The following RRP36 variants were observed in gnomAD, a reference collection of about 807,000 sequenced individuals.
The protein encoded by RRP36 is ribosomal RNA processing 36.
Under a neutral mutation model 39.8 loss-of-function variants are expected in RRP36, and 44 were observed. The ratio of observed to expected loss-of-function variants is 1.10; its 90% confidence interval spans 0.87 to 1.42. The LOEUF is 1.42. Ranked by LOEUF, RRP36 falls within the 40% of genes most tolerant of loss-of-function variation. The pLI is 0.00. For missense variants in RRP36, 316 were observed against 322.4 expected (o/e 0.98, Z 0.15); for synonymous variants, 124 against 123.1 (o/e 1.01, Z -0.05).
intron 6 of RRP36, among the ~76,000 whole-genome samples, chr6:43,027,722 C>CCA (rs1762840827): frequency 7.6e-6 from 1 of 131,748 alleles, no homozygotes; most frequent in African/African-American, 2.9e-5. Flanking sequence ...ACCCCCCCCC[C>CCA]CCAACACACA....
rs1248483023 is a variant in RRP36 at position 43,027,408 on chromosome 6, C to T, written c.574C>T (p.His192Tyr). The T allele has an allele frequency of 1.2e-6, 2 of 1,614,218 alleles. No individual in the cohort carries two copies. The highest frequency in any genetic ancestry group is 1.7e-6 in the Non-Finnish European group (2 of 1,180,046). Reference sequence around the variant, plus strand: ...GGAACGAAAGCAACAGCAGGAGCTGCACCTGGCCCTGAAGCAAGAACGTCG... The same window carrying T: ...GGAACGAAAGCAACAGCAGGAGCTGTACCTGGCCCTGAAGCAAGAACGTCG... ...QQERKQQQEL[H>Y]LALKQERRAQ... is the part of the protein sequence containing the mutation. The change falls in exon 6 of 7, where the codon CAC becomes TAC. Residue 192 changes from histidine to tyrosine, a missense_variant. By Grantham distance (83) the His-to-Tyr change is moderately conservative (BLOSUM62 2). Coordinates refer to ENST00000244496, the MANE Select transcript of RRP36 (RefSeq NM_033112.4).
In RRP36 at chr6:43,029,110, C is replaced by G; in HGVS notation, c.662C>G (p.Ala221Gly). Residue 221 changes from alanine to glycine, a missense_variant, in exon 7 of 7, where the codon GCA becomes GGA. Physicochemically the swap from Ala to Gly is moderately conservative, Grantham distance 60 (BLOSUM62 0). Coordinates refer to ENST00000244496, the MANE Select transcript of RRP36 (RefSeq NM_033112.4). ...FLKKSEQRQL[A>G]LAEKFKELKR... ...CATTTAGCTGAGCAGCGCCAGTTGGCACTAGCTGAGAAGTTCAAGGAGCTG... is the reference window on the plus strand; with the variant it reads ...CATTTAGCTGAGCAGCGCCAGTTGGGACTAGCTGAGAAGTTCAAGGAGCTG... 1 of 1,614,222 alleles carries G rather than the reference C, an allele frequency of 6.2e-7. No individual in the cohort carries two copies.
Position 43,027,204 on chromosome 6 carries a change from C to T in RRP36, c.477C>T (p.His159=), listed in dbSNP as rs1209651052. The change falls in exon 5 of 7, where the codon CAC becomes CAT. Residue 159 remains histidine, a synonymous_variant. Coordinates refer to ENST00000244496, the MANE Select transcript of RRP36 (RefSeq NM_033112.4). ...KELVKKQLKK[H]LSGEEHEKLQ... ...TTGTGAAAAAACAGTTGAAGAAGCA[C>T]CTTTCAGGAGAGGAGCATGAGAAAC... 2.5e-6 allele frequency: 4 copies of T among 1,614,174 alleles called. No individual in the cohort carries two copies. The highest frequency in any genetic ancestry group is 2.2e-5 in the East Asian group (1 of 44,888).
intron 2 of RRP36, 41 bp downstream of exon 2, chr6:43,025,173 C>T: frequency 6.2e-7 from 1 of 1,613,194 alleles, no homozygotes; most frequent in South Asian, 1.1e-5. Context: ...ATAACTGGGA[C>T]CTTGAATAGG....
At position 43,025,586 on chromosome 6, in the gene RRP36, G is replaced by A. The variant is rs987412189; in HGVS notation, c.345+257G>A. Among the ~76,000 whole-genome samples, 5 of 133,580 alleles carry A rather than the reference G, an allele frequency of 3.7e-5. 1 individual carries two copies. The highest frequency in any genetic ancestry group is 0.01 in the Middle Eastern group (2 of 196). 87.6% of individuals were successfully genotyped at this position (133,580 alleles called of 152,430 possible). ...TGCAGTGAGCCAGGATCATGCCACT[G>A]CCCTACAGCCTGTGGGACAGAGTAA... On this transcript the variant is annotated intron_variant, in intron 3 of 6. Transcript: ENST00000244496.
At position 43,026,063 on chromosome 6, in the gene RRP36, T is replaced by C. The variant is rs747331295; in HGVS notation, c.372T>C (p.Asp124=). Residue 124 remains aspartate (D), a synonymous_variant, in exon 4 of 7, where the codon GAT becomes GAC. Transcript: ENST00000244496. ...TAGCCCGGGACCCTCGCTTTGATGA[T>C]CTGTCAGGGGAATATAATCCTGAGG... ...KKVARDPRFD[D]LSGEYNPEVF... 3.1e-6 allele frequency: 5 copies of C among 1,613,556 alleles called. No homozygotes were observed. The Admixed American group carries it at 5.0e-5, about 16-fold the overall frequency.
chr6:43,028,665 C>T (rs1275276516), intron 6 of RRP36, among the ~76,000 whole-genome samples: 1 of 147,628 alleles, frequency 6.8e-6, no homozygotes, highest in African/African-American at 2.5e-5. Context: ...AAAAGTCACC[C>T]GTTGGCCAGG....
rs548845074 is a variant in RRP36 at position 43,027,593 on chromosome 6, T to C, written c.643+116T>C. 2.3e-4 allele frequency: 185 copies of C among 821,596 alleles called. No homozygotes were observed. The African/African-American group carries it at 2.6e-3, about 12-fold the overall frequency. The allele number at this position is 821,596 out of a possible 1,614,324, so 50.9% of individuals were successfully genotyped here. ...AGGAAGGCATGAAGGCTGGATCCCA[T>C]GGTAACTTGGAGGAAAGTAGAAATA... On this transcript the variant is annotated intron_variant, in intron 6 of 6. Coordinates refer to ENST00000244496, the MANE Select transcript of RRP36 (RefSeq NM_033112.4).
chr6:43,027,583 C>A, intron 6 of RRP36, 106 bp downstream of exon 6: 1 of 892,646 alleles, frequency 1.1e-6, no homozygotes, highest in Non-Finnish European at 1.8e-6. Flanking sequence ...GGCATGAAGG[C>A]TGGATCCCAT....
At chr6:43,023,802 A>AT (rs913068374) in intron 1 of RRP36, among the ~76,000 whole-genome samples, 41 of 151,990 alleles carry the variant, frequency 2.7e-4, no homozygotes, top group Non-Finnish European at 1.6e-4. Flanking sequence ...TTATAGCTCA[A>AT]TTTTTTTTAA....
chr6:43,027,532 T>TA, intron 6 of RRP36, 55 bp downstream of exon 6: 1 of 1,435,904 alleles, frequency 7.0e-7, no homozygotes, highest in Non-Finnish European at 9.7e-7. Context: ...GCCATGGTGG[T>TA]AGAGTCTTGT....
chr6:43,021,804 C>T lies in RRP36; in HGVS notation c.130+20C>T. 4.2e-6 allele frequency: 1 copy of T among 236,558 alleles called. No homozygotes were observed. The highest frequency in any genetic ancestry group is 7.3e-6 in the Non-Finnish European group (1 of 137,400). 14.7% of individuals were successfully genotyped at this position (236,558 alleles called of 1,614,324 possible). On this transcript the variant is annotated intron_variant, in intron 1 of 6. Transcript: ENST00000244496. ...TGAGGGGTGAGGGCATGGGGCAGGG[C>T]GGGCTGGGGAGGGGAAGGAGATTCC...
chr6:43,021,986 C>T (rs1425053718), intron 1 of RRP36, among the ~76,000 whole-genome samples: 1 of 152,142 alleles, frequency 6.6e-6, no homozygotes, highest in East Asian at 1.9e-4. Context: ...TTCTTCACGG[C>T]AGGATGAGGG....
intron 1 of RRP36, 116 bp from the exon 2 acceptor site, chr6:43,024,869 A>G: frequency 1.6e-6 from 2 of 1,247,242 alleles, no homozygotes; most frequent in Non-Finnish European, 2.2e-6. Flanking sequence ...GACTTCTAAT[A>G]ATGATTGGTC....
chr6:43,023,461 C>T (rs771818364), intron 1 of RRP36, among the ~76,000 whole-genome samples: 3 of 151,604 alleles, frequency 2.0e-5, no homozygotes, highest in Admixed American at 6.6e-5. Flanking sequence ...TTTGGGAGGC[C>T]GAGGTGGGCG....
chr6:43,024,881 G>C, intron 1 of RRP36, 104 bp from the exon 2 acceptor site: 1 of 1,353,080 alleles, frequency 7.4e-7, no homozygotes, highest in Non-Finnish European at 1.0e-6. Context: ...TGATTGGTCT[G>C]ATGGGGTATT....
intron 4 of RRP36, among the ~76,000 whole-genome samples, chr6:43,026,547 C>T (rs561888151): frequency 1.3e-5 from 2 of 151,598 alleles, no homozygotes; most frequent in South Asian, 4.2e-4. Flanking sequence ...GTGTTGCATG[C>T]CTATAGTCCC....
chr6:43,022,632 CTTTT>C (rs34268212), intron 1 of RRP36, among the ~76,000 whole-genome samples: 26 of 107,062 alleles, frequency 2.4e-4, no homozygotes, highest in East Asian at 5.2e-4. Flanking sequence ...AAGGTCTCAC[CTTTT>C]TTTTTTTTTT....
At chr6:43,025,388 C>T (rs537274540) in intron 3 of RRP36, 59 bp downstream of exon 3, 10 of 1,463,760 alleles carry the variant, frequency 6.8e-6, no homozygotes, top group East Asian at 6.8e-5. Context: ...TTTGGGAGCC[C>T]GAGGTGGGCG....
Sources: allele counts gnomAD v4.1 joint callset (sites outside exome capture counted in the v4.1 genomes callset), GRCh38; gene constraint gnomAD v4.1.1; transcripts MANE v1.5; gene names NCBI Gene and HGNC (gene_info 2026-07-23, HGNC 2026-07-21).